Variants in CASZ1 observed in about 807,000 individuals in gnomAD.
The protein encoded by CASZ1 is castor zinc finger 1.
In CASZ1, 28 loss-of-function variants were observed where a neutral mutation model predicts 135.2. The observed-to-expected ratio is 0.21, with a 90% CI of 0.15 to 0.28. The LOEUF (loss-of-function observed/expected upper bound fraction) is 0.28, where lower values mean the gene tolerates loss of function less well. Among genes scored for constraint, CASZ1 ranks in the 10% least tolerant of loss-of-function variants. CASZ1 has a pLI of 1.00. For missense variants in CASZ1, 2,161 were observed against 2,453.3 expected (o/e 0.88, Z 2.52); for synonymous variants, 1,068 against 1,073.4 (o/e 0.99, Z 0.10).
Position 10,639,828 on chromosome 1 carries a change from C to T in CASZ1, c.4394G>A (p.Gly1465Asp), listed in dbSNP as rs988141274. 6.2e-7 allele frequency: 1 copy of T among 1,610,844 alleles called. No individual in the cohort carries two copies. The highest frequency in any genetic ancestry group is 1.3e-5 in the African/African-American group (1 of 75,044). Residue 1465 changes from glycine (G) to aspartate (D), a missense_variant, in exon 21 of 21, where the codon GGC becomes GAC. Physicochemically the swap from Gly to Asp is moderately conservative, Grantham distance 94 (BLOSUM62 -1). This residue lies in a region of CASZ1 where 240 missense variants were observed against 321.4 expected (regional missense o/e 0.75). Transcript: ENST00000377022. The surrounding 1 kb of genome is among the most constrained non-coding windows in gnomAD (Gnocchi z 4.0). Reference protein sequence around the residue: ...THYHCTRENCGYKFCGRTHMY... With the variant: ...THYHCTRENCDYKFCGRTHMY... ...GTGCGTGCGCCCGCAGAACTTGTAGCCGCAGTTCTCGCGCGTGCAGTGGTA... is the reference window on the plus strand; with the variant it reads ...GTGCGTGCGCCCGCAGAACTTGTAGTCGCAGTTCTCGCGCGTGCAGTGGTA...
intron 2 of CASZ1, among the ~76,000 whole-genome samples, chr1:10,732,826 G>A (rs958059966): frequency 1.3e-5 from 2 of 152,172 alleles, no homozygotes; most frequent in African/African-American, 4.8e-5. Context: ...GCATAAGGAG[G>A]AGCTGGTGGA....
chr1:10,732,408 G>C (rs142241163), intron 2 of CASZ1, among the ~76,000 whole-genome samples: 2 of 151,924 alleles, frequency 1.3e-5, no homozygotes, highest in Non-Finnish European at 2.9e-5. Flanking sequence ...GATCATAAAG[G>C]GTCACTGAGA....
At chr1:10,695,621 C>T (rs1419539634) in intron 3 of CASZ1, among the ~76,000 whole-genome samples, 2 of 141,570 alleles carry the variant, frequency 1.4e-5, no homozygotes, top group Non-Finnish European at 3.1e-5. Flanking sequence ...AGGCCTGTCC[C>T]CTTCAACGTG....
intron 13 of CASZ1, 63 bp from the exon 14 acceptor site, chr1:10,649,500 G>T (rs1642489775): frequency 1.3e-6 from 2 of 1,522,990 alleles, no homozygotes; most frequent in Non-Finnish European, 8.9e-7. Context: ...CGGCAGCCTG[G>T]GGAGCAACAG....
In CASZ1 at chr1:10,709,229, C is replaced by T. The variant is rs1391994775; in HGVS notation, c.-76-3685G>A. Reference sequence around the variant, plus strand: ...ACTCCTACCTGCTCCCCAGGCCTCCCGGGGCCATGGGGGCTCGGGGCAGCT... The same window carrying T: ...ACTCCTACCTGCTCCCCAGGCCTCCTGGGGCCATGGGGGCTCGGGGCAGCT... On this transcript the variant is annotated intron_variant, in intron 2 of 20. Transcript: ENST00000377022. This position sits in a 1 kb window ranked among gnomAD's most constrained non-coding sequence, Gnocchi z 5.1. 2.6e-5 allele frequency among the ~76,000 whole-genome samples: 4 copies of T among 152,100 alleles called. No individual in the cohort carries two copies. The highest frequency in any genetic ancestry group is 7.2e-5 in the African/African-American group (3 of 41,446).
In CASZ1 at chr1:10,728,977, C is replaced by G. The variant is rs1050488295; in HGVS notation, c.-76-23433G>C. Among the ~76,000 whole-genome samples the G allele has an allele frequency of 5.3e-5, 8 of 152,288 alleles. No homozygotes were observed. The East Asian group carries it at 5.8e-4, about 11-fold the overall frequency. On this transcript the variant is annotated intron_variant, in intron 2 of 20. Coordinates refer to ENST00000377022, the MANE Select transcript of CASZ1 (RefSeq NM_001079843.3). ...GTGAAAACAAGAGGCCTTCCCCCCC[C>G]ACTCTCCGGACAGCTATTTTCTGTC...
At chr1:10,743,727 C>G (rs1183181117) in intron 2 of CASZ1, among the ~76,000 whole-genome samples, 1 of 150,918 alleles carries the variant, frequency 6.6e-6, no homozygotes, top group Non-Finnish European at 1.5e-5. Context: ...ATCCAGTGCC[C>G]TGTTTGTGCC....
chr1:10,659,505 T>A (rs116054948), intron 6 of CASZ1, among the ~76,000 whole-genome samples, 197 bp downstream of exon 6: 501 of 152,302 alleles, frequency 3.3e-3, no homozygotes, highest in Non-Finnish European at 6.5e-3. Context: ...AGAGTGAATG[T>A]GAGTGCGGCG....
Position 10,653,941 on chromosome 1 carries a change from G to A in CASZ1, c.2116C>T (p.Pro706Ser), listed in dbSNP as rs1317565408. ...HIRSSGALGLPPSLLGAKDTE... is the reference protein window; with the variant it reads ...HIRSSGALGLSPSLLGAKDTE... ...TCCTTGGCGCCCAGCAGCGAGGGCG[G>A]CAGCCCCAGCGCGCCCGAGGAGCGG... The change falls in exon 11 of 21, where the codon CCG becomes TCG. Residue 706 changes from proline to serine, a missense_variant. Around this residue, in one of 7 missense-constraint regions of CASZ1, gnomAD observed 248 missense variants for 410.8 expected, o/e 0.60. Coordinates refer to ENST00000377022, the MANE Select transcript of CASZ1 (RefSeq NM_001079843.3). 1 of 1,613,566 alleles carries A rather than the reference G, an allele frequency of 6.2e-7. No individual in the cohort carries two copies. Among genetic ancestry groups the A allele is most frequent in the East Asian group, 2.2e-5 (1 of 44,874 alleles).
intron 1 of CASZ1, among the ~76,000 whole-genome samples, chr1:10,796,203 C>T (rs1197178900): frequency 1.3e-5 from 2 of 152,212 alleles, no homozygotes; most frequent in East Asian, 1.9e-4. Flanking sequence ...TCTCTTCTCC[C>T]CTACCCCGCC....
At chr1:10,746,597 T>A (rs1409564835) in intron 2 of CASZ1, among the ~76,000 whole-genome samples, 1 of 152,194 alleles carries the variant, frequency 6.6e-6, no homozygotes, top group East Asian at 1.9e-4. Context: ...CAATGCCTAC[T>A]GCTGGAGGCA....
At position 10,794,200 on chromosome 1, in the gene CASZ1, C is replaced by T. The variant is rs538785126; in HGVS notation, c.-234+2364G>A. ...GCGTGTGTGTGTGTGTGTGTGTGTG[C>T]GCGCGCGCGCGCGTCGTGGGTTGGG... On this transcript the variant is annotated intron_variant, in intron 1 of 20. Coordinates refer to ENST00000377022, the MANE Select transcript of CASZ1 (RefSeq NM_001079843.3). The surrounding 1 kb of genome is among the most constrained non-coding windows in gnomAD (Gnocchi z 5.6). 0.021 allele frequency among the ~76,000 whole-genome samples: 3,145 copies of T among 146,930 alleles called. 71 individuals carry two copies. The highest frequency in any genetic ancestry group is 0.052 in the African/African-American group (2,037 of 39,014).
rs920916038 is a variant in CASZ1, at chr1:10,639,398, G to T, written c.4824C>A (p.Pro1608=). 7.8e-6 allele frequency: 12 copies of T among 1,547,644 alleles called. No individual in the cohort carries two copies. Among genetic ancestry groups the T allele is most frequent in the African/African-American group, 1.4e-5 (1 of 73,084 alleles). ...QERGEPAAEG[P]APGPPISLDG... The stretch of plus-strand genomic sequence containing the variant: ...CCAGACTGATGGGAGGCCCGGGCGC[G>T]GGGCCCTCTGCCGCGGGCTCGCCGC... The change falls in exon 21 of 21, where the codon CCC becomes CCA. Residue 1608 remains proline, a synonymous_variant. Transcript: ENST00000377022. The surrounding 1 kb of genome is among the most constrained non-coding windows in gnomAD (Gnocchi z 4.0).
Position 10,724,054 on chromosome 1 carries a change from T to C in CASZ1, c.-76-18510A>G, listed in dbSNP as rs770941011. Among the ~76,000 whole-genome samples, 2 of 152,178 alleles carry C rather than the reference T, an allele frequency of 1.3e-5. No homozygotes were observed. Among genetic ancestry groups the C allele is most frequent in the Non-Finnish European group, 2.9e-5 (2 of 68,044 alleles). On this transcript the variant is annotated intron_variant, in intron 2 of 20. Transcript: ENST00000377022. This position sits in a 1 kb window ranked among gnomAD's most constrained non-coding sequence, Gnocchi z 4.1. ...GATTCCTGGTGAGGACAAGTCCAGT[T>C]TTCCAAACCGACCTTGGAGCTCTTT...
intron 1 of CASZ1, among the ~76,000 whole-genome samples, chr1:10,772,662 G>A (rs1640596601): frequency 6.6e-6 from 1 of 152,142 alleles, no homozygotes; most frequent in African/African-American, 2.4e-5. Flanking sequence ...ACGAGGGCAG[G>A]GTGTCCACCT....
At position 10,755,018 on chromosome 1, in the gene CASZ1, T is replaced by C. The variant is rs1186391860; in HGVS notation, c.-77+5683A>G. ...CAAGGCCCAGGCTCAGAAAAGCCCC[T>C]GCTTCGGAGGAAAGCCAAGGAGCCG... is the stretch of plus-strand genomic sequence containing the variant. On this transcript the variant is annotated intron_variant, in intron 2 of 20. Transcript: ENST00000377022. This position sits in a 1 kb window ranked among gnomAD's most constrained non-coding sequence, Gnocchi z 4.3. Among the ~76,000 whole-genome samples the C allele has an allele frequency of 6.6e-6, 1 of 152,162 alleles. No homozygotes were observed. The highest frequency in any genetic ancestry group is 1.5e-5 in the Non-Finnish European group (1 of 68,036).
chr1:10,732,025 A>G (rs1639710173), intron 2 of CASZ1, among the ~76,000 whole-genome samples: 1 of 152,006 alleles, frequency 6.6e-6, no homozygotes, highest in South Asian at 2.1e-4. Flanking sequence ...CTAAATATCC[A>G]TATATATAAT....
intron 4 of CASZ1, among the ~76,000 whole-genome samples, chr1:10,667,774 C>T (rs369918308): frequency 6.6e-6 from 1 of 152,162 alleles, no homozygotes; most frequent in Non-Finnish European, 1.5e-5. Flanking sequence ...CTCCCAGGGC[C>T]GCACTTGCTG....
At chr1:10,749,724 C>T (rs759535771) in intron 2 of CASZ1, among the ~76,000 whole-genome samples, 1 of 152,134 alleles carries the variant, frequency 6.6e-6, no homozygotes, top group South Asian at 2.1e-4. Flanking sequence ...TCAGCCAATT[C>T]GGCTGGGGAG....
Sources: gnomAD v4.1 joint callset for allele counts (sites outside exome capture counted in the v4.1 genomes callset) on GRCh38, gnomAD v4.1.1 for gene constraint, gnomAD v4.1.1 regional missense constraint, Gnocchi (gnomAD v3.1) non-coding constraint, MANE v1.5 for transcripts, NCBI Gene and HGNC (gene_info 2026-07-23, HGNC 2026-07-21) for gene names.